The following DPP6 variants were observed in gnomAD, a reference collection of about 807,000 sequenced individuals.
The protein encoded by DPP6 is A-type potassium channel modulatory protein DPP6.
Under a neutral mutation model 122.6 loss-of-function variants are expected in DPP6, and 69 were observed. That is an observed-to-expected ratio of 0.56 (90% CI 0.46 to 0.69). The LOEUF (loss-of-function observed/expected upper bound fraction) is 0.69. Ranked by LOEUF, DPP6 falls within the 30% of genes least tolerant of loss-of-function variation. The pLI, the probability that DPP6 is intolerant of heterozygous loss-of-function variation, is 0.00. For missense variants in DPP6, 928 were observed against 1,116.9 expected (o/e 0.83, Z 2.41); for synonymous variants, 418 against 433.1 (o/e 0.97, Z 0.43).
chr7:154,799,650 A>G (rs1798238594), intron 12 of DPP6, among the ~76,000 whole-genome samples: 1 of 152,254 alleles, frequency 6.6e-6, no homozygotes, highest in Non-Finnish European at 1.5e-5. Context: ...CAAAAATGCT[A>G]CAAATAACTC....
intron 1 of DPP6, among the ~76,000 whole-genome samples, chr7:154,053,446 T>G (rs1800558776): frequency 6.6e-6 from 1 of 151,588 alleles, no homozygotes; most frequent in East Asian, 2.0e-4. Flanking sequence ...ATTTTTTATT[T>G]ATTTCGTGCT....
the DPP6 span, among the ~76,000 whole-genome samples, chr7:153,762,321 A>C: frequency 1.3e-5 from 2 of 151,926 alleles, no homozygotes; most frequent in Non-Finnish European, 2.9e-5. Context: ...AAAAAATAAA[A>C]ACAATAAAGC....
intron 1 of DPP6, among the ~76,000 whole-genome samples, chr7:153,972,546 A>C (rs924672111): frequency 6.8e-5 from 10 of 147,516 alleles, no homozygotes; most frequent in Non-Finnish European, 9.0e-5. Context: ...AGCATGCTCT[A>C]GTACTTCCAG....
intron 16 of DPP6, 146 bp downstream of exon 16, chr7:154,807,258 A>G: frequency 8.0e-7 from 1 of 1,251,338 alleles, no homozygotes; most frequent in Non-Finnish European, 1.1e-6. Context: ...CTACCTGATA[A>G]CATTGCTTAT....
chr7:154,341,775 G>A (rs1321491428), intron 1 of DPP6, among the ~76,000 whole-genome samples: 2 of 151,952 alleles, frequency 1.3e-5, no homozygotes, highest in East Asian at 3.9e-4. Flanking sequence ...TCCAGGTGTT[G>A]TAGATCTTGT....
intron 1 of DPP6, among the ~76,000 whole-genome samples, chr7:153,909,412 C>A (rs568162686): frequency 1.0e-5 from 1 of 96,052 alleles, no homozygotes; most frequent in Non-Finnish European, 2.8e-5. Context: ...TGAGGACAAA[C>A]ATGCTTTTAC....
chr7:153,822,877 C>T, the DPP6 span, among the ~76,000 whole-genome samples: 1 of 152,152 alleles, frequency 6.6e-6, no homozygotes, highest in Non-Finnish European at 1.5e-5. Context: ...AAATAAATTA[C>T]CTTCTATGTA....
intron 1 of DPP6, among the ~76,000 whole-genome samples, chr7:154,115,238 G>T (rs2150593297): frequency 6.6e-6 from 1 of 152,254 alleles, no homozygotes; most frequent in South Asian, 2.1e-4. Context: ...CCCCCCTTCT[G>T]CCACTCATCA....
chr7:154,795,108 C>T (rs542451903), intron 11 of DPP6, among the ~76,000 whole-genome samples: 4 of 152,164 alleles, frequency 2.6e-5, no homozygotes, highest in South Asian at 2.1e-4. Flanking sequence ...AAGGAAGGAA[C>T]GTGAGGACAC....
intron 1 of DPP6, among the ~76,000 whole-genome samples, chr7:154,318,728 T>A (rs1807651720): frequency 6.6e-6 from 1 of 152,212 alleles, no homozygotes; most frequent in Non-Finnish European, 1.5e-5. Flanking sequence ...CTTTCTTTCT[T>A]GGGCTCAGTA....
intron 10 of DPP6, among the ~76,000 whole-genome samples, chr7:154,791,829 A>C (rs1388266218): frequency 6.6e-6 from 1 of 152,230 alleles, no homozygotes; most frequent in Non-Finnish European, 1.5e-5. Context: ...GGTTCCATCC[A>C]GTGGCACTCA....
intron 1 of DPP6, chr7:154,092,838 C>T (rs1020078275): frequency 2.6e-5 from 4 of 151,992 alleles, no homozygotes; most frequent in African/African-American, 7.3e-5. Context: ...GATTCTTACC[C>T]GAGTCAAGTA....
chr7:154,540,711 T>C, intron 4 of DPP6, 85 bp downstream of exon 4: 1 of 787,784 alleles, frequency 1.3e-6, no homozygotes. Flanking sequence ...TGGTTTCAAC[T>C]TTTAGCATAG....
intron 1 of DPP6, among the ~76,000 whole-genome samples, chr7:153,930,978 A>G (rs1365562534): frequency 6.6e-6 from 1 of 152,230 alleles, no homozygotes; most frequent in East Asian, 1.9e-4. Context: ...ACAGTTCTGA[A>G]AGCAATTCTC....
At chr7:153,842,685 T>A in the DPP6 span, among the ~76,000 whole-genome samples, 1 of 152,178 alleles carries the variant, frequency 6.6e-6, no homozygotes, top group East Asian at 1.9e-4. Context: ...TTCCAAATGA[T>A]TAGTAAATTA....
At chr7:154,061,715 CG>C (rs1563154344) in intron 1 of DPP6, among the ~76,000 whole-genome samples, 1 of 85,580 alleles carries the variant, frequency 1.2e-5, no homozygotes, top group Non-Finnish European at 2.7e-5. Context: ...AGGCAATCCC[CG>C]CGAGGCGGGG....
intron 1 of DPP6, among the ~76,000 whole-genome samples, chr7:153,987,513 T>C (rs1439894754): frequency 2.0e-5 from 3 of 152,222 alleles, no homozygotes; most frequent in African/African-American, 7.2e-5. Flanking sequence ...TTCTAGGTAA[T>C]TCACACATAT....
the DPP6 span, among the ~76,000 whole-genome samples, chr7:153,845,759 A>G: frequency 4.6e-5 from 7 of 152,106 alleles, no homozygotes; most frequent in Non-Finnish European, 7.4e-5. Flanking sequence ...AGGCATTTTG[A>G]TATACATATT....
intron 1 of DPP6, among the ~76,000 whole-genome samples, chr7:154,014,003 G>A (rs927703874): frequency 3.1e-4 from 47 of 152,168 alleles, no homozygotes; most frequent in African/African-American, 1.0e-3. Flanking sequence ...CTCTAATCAT[G>A]CTCTTCCCAG....
Sources: gnomAD v4.1 joint callset for allele counts (sites outside exome capture counted in the v4.1 genomes callset) on GRCh38, gnomAD v4.1.1 for gene constraint, MANE v1.5 for transcripts, NCBI Gene and HGNC (gene_info 2026-07-23, HGNC 2026-07-21) for gene names.